Variants in GRIN3A observed in about 807,000 individuals in gnomAD.
The protein encoded by GRIN3A is glutamate receptor ionotropic, NMDA 3A.
Under a neutral mutation model 92.4 loss-of-function variants are expected in GRIN3A, and 47 were observed. That is an observed-to-expected ratio of 0.51 (90% CI 0.40 to 0.65). The LOEUF (loss-of-function observed/expected upper bound fraction) is 0.65, where lower values mean the gene tolerates loss of function less well. GRIN3A is among the 30% of genes least tolerant of loss of function. The pLI is 0.00. For synonymous variants in GRIN3A, 527 were observed against 540.6 expected (o/e 0.97, Z 0.35); for missense variants, 1,324 against 1,393.1 (o/e 0.95, Z 0.79).
At chr9:101,735,409 C>A (rs1402611511) in intron 1 of GRIN3A, among the ~76,000 whole-genome samples, 1 of 151,774 alleles carries the variant, frequency 6.6e-6, no homozygotes, top group Admixed American at 6.6e-5. Flanking sequence ...CCCCCCACCC[C>A]GGTCTTAGAG....
rs1190207828 is a variant in GRIN3A at position 101,571,055 on chromosome 9, G to C, written c.*2119C>G. ...CCAGCATTCTTAGCTGGTACAAGTG[G>C]GTGGGGATGGCTAAGGGGCAAAATC... is the stretch of plus-strand genomic sequence containing the variant. On this transcript the variant is annotated 3_prime_UTR_variant, in exon 9 of 9. Coordinates refer to ENST00000361820, the MANE Select transcript of GRIN3A (RefSeq NM_133445.3). 2 of 152,278 alleles carry C rather than the reference G, an allele frequency of 1.3e-5. No homozygotes were observed. Among genetic ancestry groups the C allele is most frequent in the African/African-American group, 4.8e-5 (2 of 41,420 alleles). 9.4% of individuals were successfully genotyped at this position (152,278 alleles called of 1,614,324 possible).
intron 2 of GRIN3A, among the ~76,000 whole-genome samples, chr9:101,679,822 T>G (rs1378857468): frequency 6.6e-6 from 1 of 152,212 alleles, no homozygotes; most frequent in African/African-American, 2.4e-5. Context: ...GCAACTGCAT[T>G]TCTTTTAAGT....
At chr9:101,676,416 G>A (rs1454648922) in intron 2 of GRIN3A, among the ~76,000 whole-genome samples, 1 of 151,526 alleles carries the variant, frequency 6.6e-6, no homozygotes, top group Non-Finnish European at 1.5e-5. Context: ...AACTGTCTTT[G>A]TATCATTAAA....
chr9:101,625,205 T>A (rs929945126), intron 4 of GRIN3A, among the ~76,000 whole-genome samples: 1 of 151,816 alleles, frequency 6.6e-6, no homozygotes, highest in African/African-American at 2.4e-5. Context: ...TATTTATTAA[T>A]TTGAAAAAAA....
At position 101,580,997 on chromosome 9, in the gene GRIN3A, A is replaced by G. The variant is rs1214217615; in HGVS notation, c.2767-1637T>C. On this transcript the variant is annotated intron_variant, in intron 6 of 8. Coordinates refer to ENST00000361820, the MANE Select transcript of GRIN3A (RefSeq NM_133445.3). Reference sequence around the variant, plus strand: ...CATTATTTAGCCATTGACATCAATGACAAGAGTCAATCCCGTAGAAGTAAA... The same window carrying G: ...CATTATTTAGCCATTGACATCAATGGCAAGAGTCAATCCCGTAGAAGTAAA... 2.6e-5 allele frequency among the ~76,000 whole-genome samples: 4 copies of G among 152,372 alleles called. No homozygotes were observed. In the East Asian group the frequency reaches 7.7e-4, roughly 29 times the overall value.
chr9:101,664,196 T>A (rs537754949), intron 3 of GRIN3A, among the ~76,000 whole-genome samples: 1 of 152,058 alleles, frequency 6.6e-6, no homozygotes, highest in Admixed American at 6.6e-5. Flanking sequence ...TCTATCCACT[T>A]GTCAATCATC....
intron 1 of GRIN3A, among the ~76,000 whole-genome samples, chr9:101,716,272 T>C (rs750695284): frequency 6.6e-5 from 10 of 152,214 alleles, no homozygotes; most frequent in Non-Finnish European, 1.5e-4. Context: ...AGATTGCTTT[T>C]CTTTAGTGCC....
At chr9:101,707,013 A>G (rs1032805329) in intron 1 of GRIN3A, among the ~76,000 whole-genome samples, 1 of 152,240 alleles carries the variant, frequency 6.6e-6, no homozygotes, top group Non-Finnish European at 1.5e-5. Context: ...TCAGCAAATG[A>G]GAAGCAAAAA....
intron 5 of GRIN3A, among the ~76,000 whole-genome samples, chr9:101,615,415 G>A (rs1828431910): frequency 7.5e-6 from 1 of 133,716 alleles, no homozygotes; most frequent in African/African-American, 2.8e-5. Context: ...TTGAGACAGA[G>A]TCTCGATCTC....
intron 3 of GRIN3A, among the ~76,000 whole-genome samples, chr9:101,647,770 G>C (rs1025237059): frequency 3.3e-5 from 5 of 151,806 alleles, no homozygotes; most frequent in Admixed American, 3.3e-4. Flanking sequence ...CAATTTGCCG[G>C]AGTATAGTTG....
chr9:101,615,821 G>A (rs905278086), intron 5 of GRIN3A, among the ~76,000 whole-genome samples: 2 of 150,440 alleles, frequency 1.3e-5, no homozygotes, highest in African/African-American at 2.5e-5. Context: ...ATCTGTTGCT[G>A]TTGTTGAAAA....
chr9:101,697,389 C>A (rs1829697636), intron 1 of GRIN3A, among the ~76,000 whole-genome samples: 1 of 152,152 alleles, frequency 6.6e-6, no homozygotes, highest in Non-Finnish European at 1.5e-5. Flanking sequence ...AATACTTTCC[C>A]ATGAATTAGT....
At chr9:101,648,805 T>C (rs1052681209) in intron 3 of GRIN3A, among the ~76,000 whole-genome samples, 6 of 152,202 alleles carry the variant, frequency 3.9e-5, no homozygotes, top group Admixed American at 3.3e-4. Flanking sequence ...CTTCGATGCC[T>C]GTACATTTGA....
At position 101,678,887 on chromosome 9, in the gene GRIN3A, T is replaced by C. The variant is rs569405491; in HGVS notation, c.1304+7709A>G. On this transcript the variant is annotated intron_variant, in intron 2 of 8. Transcript: ENST00000361820. ...CTCTGATATGTTACCTAAAACAGTT[T>C]GATTTATTCCATACCCCTATATCAT... is the stretch of plus-strand genomic sequence containing the variant. Among the ~76,000 whole-genome samples the C allele has an allele frequency of 3.3e-5, 5 of 152,344 alleles. No individual in the cohort carries two copies. The South Asian group carries it at 6.2e-4, about 19-fold the overall frequency.
chr9:101,723,603 T>A (rs1830042467), intron 1 of GRIN3A, among the ~76,000 whole-genome samples: 1 of 152,150 alleles, frequency 6.6e-6, no homozygotes, highest in Non-Finnish European at 1.5e-5. Context: ...TCCTGCTGAT[T>A]GGTAGAGCCG....
chr9:101,579,871 G>A (rs1162022836), intron 6 of GRIN3A, among the ~76,000 whole-genome samples: 1 of 152,158 alleles, frequency 6.6e-6, no homozygotes, highest in East Asian at 1.9e-4. Context: ...CAGTTTCAGT[G>A]TGACAGCTCA....
chr9:101,711,539 A>AG (rs1290010021), intron 1 of GRIN3A, among the ~76,000 whole-genome samples: 1 of 152,180 alleles, frequency 6.6e-6, no homozygotes, highest in Admixed American at 6.5e-5. Flanking sequence ...AGAGGCCACT[A>AG]GGGGGAGACT....
intron 3 of GRIN3A, among the ~76,000 whole-genome samples, chr9:101,644,426 T>A (rs1356699938): frequency 6.9e-6 from 1 of 145,002 alleles, no homozygotes; most frequent in Non-Finnish European, 1.5e-5. Flanking sequence ...GATCAGAACT[T>A]AGTTCCTGGC....
At chr9:101,592,518 T>C (rs187623975) in intron 6 of GRIN3A, 71 of 152,126 alleles carry the variant, frequency 4.7e-4, no homozygotes, top group African/African-American at 1.7e-3. Flanking sequence ...AAGAAGTGAG[T>C]GTGATAACAA....
Sources: allele counts gnomAD v4.1 joint callset (sites outside exome capture counted in the v4.1 genomes callset), GRCh38; gene constraint gnomAD v4.1.1; transcripts MANE v1.5; gene names NCBI Gene and HGNC (gene_info 2026-07-23, HGNC 2026-07-21).